FAT3: variants seen among roughly 807,000 people sequenced by gnomAD.
FAT3 encodes the protein protocadherin Fat 3.
A neutral mutation model predicts 310.2 loss-of-function variants in FAT3; 95 were observed. That is an observed-to-expected ratio of 0.31 (90% CI 0.26 to 0.36). The LOEUF is 0.36. Among genes scored for constraint, FAT3 ranks in the 10% least tolerant of loss-of-function variants. The pLI, the probability that FAT3 is intolerant of heterozygous loss-of-function variation, is 1.00. For missense variants in FAT3, 5,408 were observed against 5,715.6 expected, an observed-to-expected ratio of 0.95 and a Z score of 1.74; for synonymous variants, 2,314 against 2,192.9, an observed-to-expected ratio of 1.06 and a Z score of -1.54.
In FAT3 at chr11:92,644,854, T is replaced by A. The variant is rs1019070367; in HGVS notation, c.3608-52530T>A. ...TCTAACATGCGTGACTGGTTATGTC[T>A]CCATGTAGTGATTCTTCTCTTTTGC... On this transcript the variant is annotated intron_variant, in intron 3 of 27. Transcript: ENST00000525166. 3.3e-5 allele frequency among the ~76,000 whole-genome samples: 5 copies of A among 152,312 alleles called. No homozygotes were observed. In the South Asian group the frequency reaches 6.2e-4, roughly 19 times the overall value.
chr11:92,327,044 G>T (rs1311189837), intron 1 of FAT3, among the ~76,000 whole-genome samples: 1 of 152,006 alleles, frequency 6.6e-6, no homozygotes, highest in Non-Finnish European at 1.5e-5. Flanking sequence ...AGAATTTTAA[G>T]ATATTCTGTA....
chr11:92,250,173 G>A (rs1481260189), intron 1 of FAT3, among the ~76,000 whole-genome samples: 2 of 152,004 alleles, frequency 1.3e-5, no homozygotes, highest in Admixed American at 6.6e-5. Flanking sequence ...TTACAGATAC[G>A]AAGTGGTACA....
At chr11:92,835,624 TA>T (rs1428839053) in intron 15 of FAT3, among the ~76,000 whole-genome samples, 1 of 152,202 alleles carries the variant, frequency 6.6e-6, no homozygotes, top group Non-Finnish European at 1.5e-5. Flanking sequence ...TCATAAATCA[TA>T]ACATCACTTT....
chr11:92,828,032 A>G (rs1169750249), intron 13 of FAT3, among the ~76,000 whole-genome samples: 1 of 152,138 alleles, frequency 6.6e-6, no homozygotes, highest in African/African-American at 2.4e-5. Flanking sequence ...CACAGAGGCA[A>G]AATGATGGAT....
chr11:92,701,626 G>T (rs564853937), intron 4 of FAT3, among the ~76,000 whole-genome samples: 1 of 152,128 alleles, frequency 6.6e-6, no homozygotes, highest in Admixed American at 6.5e-5. Flanking sequence ...TAGCTCATTT[G>T]TTCAAAGTCG....
chr11:92,571,143 A>T (rs1444047873), intron 3 of FAT3, among the ~76,000 whole-genome samples: 1 of 152,176 alleles, frequency 6.6e-6, no homozygotes, highest in Admixed American at 6.5e-5. Flanking sequence ...CATTTTAGAG[A>T]TCCTAAAGAG....
At chr11:92,520,726 T>A (rs559389408) in intron 2 of FAT3, among the ~76,000 whole-genome samples, 2 of 152,132 alleles carry the variant, frequency 1.3e-5, no homozygotes, top group East Asian at 3.9e-4. Context: ...TAATATTGAG[T>A]CTTGGATGAA....
At chr11:92,257,874 G>A (rs1865376918) in intron 1 of FAT3, among the ~76,000 whole-genome samples, 1 of 152,068 alleles carries the variant, frequency 6.6e-6, no homozygotes, top group Admixed American at 6.6e-5. Flanking sequence ...GAGTGGCTTA[G>A]AGGTTTGCAT....
intron 2 of FAT3, among the ~76,000 whole-genome samples, chr11:92,405,343 A>G (rs1173672915): frequency 1.3e-5 from 2 of 152,148 alleles, no homozygotes; most frequent in African/African-American, 4.8e-5. Flanking sequence ...GCAATATGAA[A>G]TTCATTGTGG....
chr11:92,567,859 G>A lies in FAT3; in HGVS notation c.3607+42911G>A, dbSNP rs11020008. ...AATGAGAACACATGGACACAGGAAG[G>A]GGAAGGGAACATCACACTCTGGGGA... On this transcript the variant is annotated intron_variant, in intron 3 of 27. Coordinates refer to ENST00000525166, the MANE Select transcript of FAT3 (RefSeq NM_001367949.2). Among the ~76,000 whole-genome samples the A allele has an allele frequency of 3.6e-3, 539 of 149,838 alleles. 2 individuals are homozygous for A. The highest frequency in any genetic ancestry group is 5.1e-3 in the Admixed American group (77 of 14,980).
Position 92,524,713 on chromosome 11 carries a change from C to G in FAT3, c.3372C>G (p.Gly1124=). The stretch of plus-strand genomic sequence containing the variant: ...TAACAGTGTATGCCACAGACAGGGG[C>G]GTTGTTCCACTCTACTCCACCATTG... The part of the protein sequence containing the change: ...YWLTVYATDR[G]VVPLYSTIEV... Residue 1124 remains glycine, a synonymous_variant, in exon 3 of 28, where the codon GGC becomes GGG. Coordinates refer to ENST00000525166, the MANE Select transcript of FAT3 (RefSeq NM_001367949.2). 1 of 1,613,724 alleles carries G rather than the reference C, an allele frequency of 6.2e-7. No homozygotes were observed. The highest frequency in any genetic ancestry group is 1.1e-5 in the South Asian group (1 of 91,048).
intron 2 of FAT3, among the ~76,000 whole-genome samples, chr11:92,402,078 G>A (rs1034262364): frequency 2.0e-5 from 3 of 152,084 alleles, no homozygotes; most frequent in Non-Finnish European, 1.5e-5. Flanking sequence ...TTTGTTAAAG[G>A]TTCTAATGGA....
chr11:92,477,426 G>A (rs930513481), intron 2 of FAT3, among the ~76,000 whole-genome samples: 2 of 152,188 alleles, frequency 1.3e-5, no homozygotes, highest in Non-Finnish European at 2.9e-5. Flanking sequence ...AATTGAATAT[G>A]TCTTTCCTTT....
chr11:92,297,822 A>G (rs1322682473), intron 1 of FAT3, among the ~76,000 whole-genome samples: 1 of 152,140 alleles, frequency 6.6e-6, no homozygotes, highest in Non-Finnish European at 1.5e-5. Context: ...TGCAGAATGG[A>G]TAAGTTTGCC....
chr11:92,632,608 G>A (rs961101389), intron 3 of FAT3, among the ~76,000 whole-genome samples: 2 of 152,220 alleles, frequency 1.3e-5, no homozygotes, highest in Non-Finnish European at 2.9e-5. Context: ...GTCCTGTTCA[G>A]AGGCATATGA....
At chr11:92,393,450 T>A (rs1033913201) in intron 2 of FAT3, among the ~76,000 whole-genome samples, 7 of 152,118 alleles carry the variant, frequency 4.6e-5, no homozygotes, top group African/African-American at 1.2e-4. Flanking sequence ...CTGCCAGGAT[T>A]TCGCCGCCAA....
At chr11:92,476,666 A>G (rs1485774228) in intron 2 of FAT3, among the ~76,000 whole-genome samples, 1 of 152,202 alleles carries the variant, frequency 6.6e-6, no homozygotes, top group Non-Finnish European at 1.5e-5. Flanking sequence ...GATCTCTGCA[A>G]GAACAAAAAG....
chr11:92,729,071 AGG>A (rs1945091987), intron 4 of FAT3, among the ~76,000 whole-genome samples: 1 of 152,208 alleles, frequency 6.6e-6, no homozygotes, highest in Admixed American at 6.5e-5. Flanking sequence ...ATTCACAGAA[AGG>A]GGCCCAAGTC....
At chr11:92,835,136 C>T (rs1471776184) in intron 15 of FAT3, 52 bp downstream of exon 15, 1 of 1,477,312 alleles carries the variant, frequency 6.8e-7, no homozygotes, top group Non-Finnish European at 9.3e-7. Flanking sequence ...TAGTCATCCA[C>T]AATAAAGTGA....
Sources: gnomAD v4.1 joint callset for allele counts (sites outside exome capture counted in the v4.1 genomes callset) on GRCh38, gnomAD v4.1.1 for gene constraint, MANE v1.5 for transcripts, NCBI Gene and HGNC (gene_info 2026-07-23, HGNC 2026-07-21) for gene names.